PEX5L: variants seen among roughly 807,000 people sequenced by gnomAD.
The protein encoded by PEX5L is PEX5-related protein.
Under a neutral mutation model 84.0 loss-of-function variants are expected in PEX5L, and 30 were observed. The observed-to-expected ratio is 0.36, with a 90% confidence interval of 0.27 to 0.48. PEX5L has a LOEUF of 0.48. PEX5L is among the 20% of genes least tolerant of loss of function. The pLI, the probability that PEX5L is intolerant of heterozygous loss-of-function variation, is 0.99. For missense variants in PEX5L, 533 were observed against 754.6 expected (o/e 0.71, Z 3.44); for synonymous variants, 270 against 283.1 (o/e 0.95, Z 0.46).
At chr3:180,035,911 A>G (rs747102918) in intron 1 of PEX5L, among the ~76,000 whole-genome samples, 2 of 152,214 alleles carry the variant, frequency 1.3e-5, no homozygotes, top group African/African-American at 2.4e-5. Context: ...ATCTTGCCCA[A>G]GAGAGTAGAG....
intron 2 of PEX5L, among the ~76,000 whole-genome samples, chr3:179,969,483 G>GT (rs1028846709): frequency 6.6e-6 from 1 of 151,856 alleles, no homozygotes; most frequent in Non-Finnish European, 1.5e-5. Flanking sequence ...TGCTTAATTT[G>GT]TTGACCTCTT....
At chr3:179,945,553 T>G (rs1471213055) in intron 2 of PEX5L, among the ~76,000 whole-genome samples, 1 of 152,232 alleles carries the variant, frequency 6.6e-6, no homozygotes, top group African/African-American at 2.4e-5. Context: ...CCAGGCTATC[T>G]AATAAGACTG....
chr3:179,844,718 T>G (rs892101007), intron 8 of PEX5L, among the ~76,000 whole-genome samples: 4 of 152,112 alleles, frequency 2.6e-5, no homozygotes, highest in Non-Finnish European at 4.4e-5. Flanking sequence ...TAGTCCCAGC[T>G]ACTCGGGAGG....
chr3:179,904,543 T>C (rs983747386), intron 2 of PEX5L, among the ~76,000 whole-genome samples: 3 of 152,184 alleles, frequency 2.0e-5, no homozygotes, highest in East Asian at 3.9e-4. Context: ...CAGGGTGAGA[T>C]TATGACTTTC....
intron 1 of PEX5L, among the ~76,000 whole-genome samples, chr3:180,030,169 G>A (rs374510036): frequency 8.5e-5 from 13 of 152,074 alleles, no homozygotes; most frequent in Non-Finnish European, 1.6e-4. Flanking sequence ...CAACCATTTC[G>A]ATAGGGACAC....
intron 8 of PEX5L, among the ~76,000 whole-genome samples, chr3:179,830,479 C>A (rs895772538): frequency 2.0e-5 from 3 of 152,088 alleles, no homozygotes; most frequent in Non-Finnish European, 4.4e-5. Flanking sequence ...AGCTTCCAGC[C>A]ATGGATCTGG....
chr3:179,856,798 C>A (rs747037926), intron 8 of PEX5L, among the ~76,000 whole-genome samples: 1 of 152,198 alleles, frequency 6.6e-6, no homozygotes, highest in Admixed American at 6.5e-5. Context: ...AGCAACTCTG[C>A]TTATAGTTTT....
At chr3:179,896,658 G>A (rs1256441122) in intron 3 of PEX5L, among the ~76,000 whole-genome samples, 1 of 152,152 alleles carries the variant, frequency 6.6e-6, no homozygotes, top group Non-Finnish European at 1.5e-5. Context: ...CCTAGATTGT[G>A]AAGTCCTGAG....
At chr3:179,849,963 A>T (rs527668258) in intron 8 of PEX5L, among the ~76,000 whole-genome samples, 18 of 152,318 alleles carry the variant, frequency 1.2e-4, no homozygotes, top group African/African-American at 3.4e-4. Flanking sequence ...CAAATTAAAT[A>T]TTTTTATTAC....
At chr3:179,835,107 G>A (rs1030979023) in intron 8 of PEX5L, among the ~76,000 whole-genome samples, 4 of 152,202 alleles carry the variant, frequency 2.6e-5, no homozygotes, top group Non-Finnish European at 4.4e-5. Flanking sequence ...AGGCAGCTAT[G>A]TTCTTAGACT....
chr3:180,029,107 A>C (rs1485713722), intron 1 of PEX5L, among the ~76,000 whole-genome samples: 1 of 152,216 alleles, frequency 6.6e-6, no homozygotes, highest in Non-Finnish European at 1.5e-5. Context: ...AAATATCATT[A>C]TGAGAAATGC....
At chr3:179,952,678 A>C (rs894295886) in intron 2 of PEX5L, among the ~76,000 whole-genome samples, 10 of 152,232 alleles carry the variant, frequency 6.6e-5, no homozygotes, top group African/African-American at 2.4e-4. Context: ...CATACTGCCC[A>C]AAGTAATTTA....
intron 1 of PEX5L, among the ~76,000 whole-genome samples, chr3:179,998,239 G>A (rs1221143275): frequency 6.6e-6 from 1 of 152,202 alleles, no homozygotes; most frequent in African/African-American, 2.4e-5. Context: ...ACAATGCTTA[G>A]TGGGCCTATC....
intron 2 of PEX5L, among the ~76,000 whole-genome samples, chr3:179,903,738 A>G (rs1357013096): frequency 6.6e-6 from 1 of 152,210 alleles, no homozygotes; most frequent in African/African-American, 2.4e-5. Context: ...GGAAAAGGTC[A>G]GGGCAATATT....
At chr3:179,841,467 T>TTA (rs1737257833) in intron 8 of PEX5L, among the ~76,000 whole-genome samples, 1 of 152,182 alleles carries the variant, frequency 6.6e-6, no homozygotes, top group Non-Finnish European at 1.5e-5. Context: ...CTTACTTGTG[T>TTA]TACAGTACTT....
chr3:180,033,406 A>G (rs542742821), intron 1 of PEX5L, among the ~76,000 whole-genome samples: 18 of 152,080 alleles, frequency 1.2e-4, no homozygotes, highest in Admixed American at 1.0e-3. Flanking sequence ...TTTTATTAAA[A>G]AACCCATTGC....
intron 2 of PEX5L, among the ~76,000 whole-genome samples, chr3:179,916,900 C>T (rs576727659): frequency 2.0e-5 from 3 of 151,962 alleles, no homozygotes; most frequent in East Asian, 3.9e-4. Flanking sequence ...GAACTTCTGA[C>T]CTCAGGTGAT....
intron 1 of PEX5L, among the ~76,000 whole-genome samples, chr3:179,986,207 A>T (rs908725297): frequency 6.6e-6 from 1 of 151,234 alleles, no homozygotes; most frequent in African/African-American, 2.4e-5. Flanking sequence ...CAATAATAAT[A>T]AAATGAGAAT....
chr3:179,848,501 T>C (rs933078058), intron 8 of PEX5L, among the ~76,000 whole-genome samples: 2 of 144,602 alleles, frequency 1.4e-5, no homozygotes, highest in African/African-American at 5.3e-5. Context: ...TGAACTGAAC[T>C]GAGATCATGC....
Sources: allele counts gnomAD v4.1 joint callset (sites outside exome capture counted in the v4.1 genomes callset), GRCh38; gene constraint gnomAD v4.1.1; transcripts MANE v1.5; gene names NCBI Gene and HGNC (gene_info 2026-07-23, HGNC 2026-07-21).